Variants in RBFOX1 observed in about 807,000 individuals in gnomAD.
The protein encoded by RBFOX1 is RNA binding fox-1 homolog 1, also known as RNA binding protein fox-1 homolog 1.
In RBFOX1, 8 loss-of-function variants were observed where a neutral mutation model predicts 57.7. The observed-to-expected ratio is 0.14, with a 90% confidence interval of 0.08 to 0.25. RBFOX1 has a LOEUF of 0.25. Ranked by LOEUF, RBFOX1 falls within the 10% of genes least tolerant of loss-of-function variation. The probability of loss-of-function intolerance (pLI) is 1.00; values close to 1 mark genes in which losing one functional copy is unlikely to be tolerated. For missense variants in RBFOX1, 611 were observed against 548.5 expected (o/e 1.11, Z -1.14); for synonymous variants, 326 against 222.4 (o/e 1.47, Z -4.15).
intron 5 of RBFOX1, among the ~76,000 whole-genome samples, chr16:7,551,809 G>C (rs902055033): frequency 1.3e-5 from 2 of 152,150 alleles, no homozygotes; most frequent in Non-Finnish European, 2.9e-5. Flanking sequence ...CACAGACATT[G>C]GCGGTGTTTT....
At chr16:7,519,928 C>G (rs761523415) in intron 5 of RBFOX1, among the ~76,000 whole-genome samples, 1 of 152,122 alleles carries the variant, frequency 6.6e-6, no homozygotes, top group Admixed American at 6.5e-5. Flanking sequence ...CTCTGTTGCC[C>G]AGGCTGGAGT....
chr16:5,453,188 C>T (rs1266252149), intron 1 of RBFOX1, among the ~76,000 whole-genome samples: 1 of 152,162 alleles, frequency 6.6e-6, no homozygotes, highest in South Asian at 2.1e-4. Flanking sequence ...TGTGTCCCAG[C>T]ACTAGACTAA....
intron 2 of RBFOX1, among the ~76,000 whole-genome samples, chr16:6,616,150 C>G (rs1179801704): frequency 6.6e-6 from 1 of 152,112 alleles, no homozygotes; most frequent in Non-Finnish European, 1.5e-5. Context: ...TTTGCAGGAG[C>G]AAATTTTTCA....
chr16:7,499,634 G>A (rs938021807), intron 4 of RBFOX1, among the ~76,000 whole-genome samples: 2 of 152,060 alleles, frequency 1.3e-5, no homozygotes, highest in Non-Finnish European at 1.5e-5. Context: ...AAAATCAAAC[G>A]AGAAAAAACA....
chr16:6,721,422 G>A (rs2065972935), intron 3 of RBFOX1, among the ~76,000 whole-genome samples: 1 of 152,178 alleles, frequency 6.6e-6, no homozygotes, highest in Non-Finnish European at 1.5e-5. Flanking sequence ...CAGCCTGGGG[G>A]ACAGAGCGAG....
At chr16:7,215,662 CA>C (rs1242731418) in intron 4 of RBFOX1, among the ~76,000 whole-genome samples, 1 of 151,894 alleles carries the variant, frequency 6.6e-6, no homozygotes, top group Non-Finnish European at 1.5e-5. Context: ...TTTCTTCCCC[CA>C]GTTCCCCAAT....
At chr16:5,519,504 A>T (rs1238875856) in intron 2 of RBFOX1, among the ~76,000 whole-genome samples, 1 of 152,314 alleles carries the variant, frequency 6.6e-6, no homozygotes, top group East Asian at 1.9e-4. Context: ...TGGGAGGATC[A>T]CTTGAACCCA....
chr16:5,965,263 A>G (rs1375172254), intron 4 of RBFOX1, among the ~76,000 whole-genome samples: 1 of 152,208 alleles, frequency 6.6e-6, no homozygotes, highest in East Asian at 1.9e-4. Flanking sequence ...AATGTGGTGT[A>G]TACTTGAAAT....
At chr16:6,199,115 A>G (rs1042056904) in intron 1 of RBFOX1, among the ~76,000 whole-genome samples, 3 of 152,200 alleles carry the variant, frequency 2.0e-5, no homozygotes, top group Non-Finnish European at 4.4e-5. Context: ...TCTTATTGAA[A>G]AAAATATTTA....
chr16:6,152,086 G>A (rs936501187), intron 1 of RBFOX1, among the ~76,000 whole-genome samples: 4 of 152,100 alleles, frequency 2.6e-5, no homozygotes, highest in African/African-American at 9.7e-5. Flanking sequence ...TTGGCCAGGA[G>A]AAGAAAAACA....
intron 2 of RBFOX1, among the ~76,000 whole-genome samples, chr16:6,368,782 C>T (rs991426387): frequency 2.0e-5 from 3 of 152,132 alleles, no homozygotes. Context: ...AGAGCCCATG[C>T]CCTCTGTTTC....
In RBFOX1 at chr16:7,095,254, A is replaced by C. The variant is rs895864491; in HGVS notation, c.27+43156A>C. Among the ~76,000 whole-genome samples the C allele has an allele frequency of 2.6e-5, 4 of 152,134 alleles. No homozygotes were observed. The South Asian group carries it at 6.2e-4, about 24-fold the overall frequency. On this transcript the variant is annotated intron_variant, in intron 4 of 15. Transcript: ENST00000550418. ...CAGGTTCAAACGATTCTCCTGCCTC[A>C]GCCTACCCAAGTAGCTGAGATTACA...
intron 2 of RBFOX1, among the ~76,000 whole-genome samples, chr16:6,394,508 T>C (rs2092738194): frequency 2.5e-5 from 1 of 40,594 alleles, no homozygotes; most frequent in Non-Finnish European, 5.6e-5. Context: ...GGAAAATTGC[T>C]TTTTTTTTGT....
rs546474534 is a variant in RBFOX1 at position 6,245,692 on chromosome 16, C to G, written c.-126-71303C>G. 4.6e-4 allele frequency among the ~76,000 whole-genome samples: 70 copies of G among 152,260 alleles called. No homozygotes were observed. In the South Asian group the frequency reaches 0.014, roughly 31 times the overall value. On this transcript the variant is annotated intron_variant, in intron 1 of 15. Transcript: ENST00000550418. ...AACAACTCTTAGTGGTGTTAGAATT[C>G]TTTCTTCATGAAGCAGGGCACAAAA...
At chr16:6,487,942 TC>T (rs2095542930) in intron 2 of RBFOX1, among the ~76,000 whole-genome samples, 1 of 151,918 alleles carries the variant, frequency 6.6e-6, no homozygotes, top group South Asian at 2.1e-4. Flanking sequence ...TTTGGTTTGT[TC>T]GTTAAGTTTT....
intron 3 of RBFOX1, among the ~76,000 whole-genome samples, chr16:5,655,568 A>G (rs374015256): frequency 6.6e-6 from 1 of 152,154 alleles, no homozygotes; most frequent in Admixed American, 6.5e-5. Flanking sequence ...TTCTGCTACA[A>G]CTGCAAAGGG....
At chr16:5,952,527 T>C (rs1031406731) in intron 4 of RBFOX1, among the ~76,000 whole-genome samples, 13 of 152,310 alleles carry the variant, frequency 8.5e-5, no homozygotes, top group African/African-American at 2.6e-4. Context: ...CCTCAGGTGA[T>C]CTGCCCACCT....
chr16:6,590,951 C>T (rs1175640991), intron 2 of RBFOX1, among the ~76,000 whole-genome samples: 1 of 152,144 alleles, frequency 6.6e-6, no homozygotes, highest in Non-Finnish European at 1.5e-5. Context: ...TTTGGAGTCA[C>T]ACTGCGAGAG....
At chr16:7,148,427 C>G in intron 4 of RBFOX1, among the ~76,000 whole-genome samples, 1 of 152,158 alleles carries the variant, frequency 6.6e-6, no homozygotes, top group African/African-American at 2.4e-5. Flanking sequence ...ATCTTAAGTT[C>G]CTTCTCTATG....
Sources: allele counts gnomAD v4.1 joint callset (sites outside exome capture counted in the v4.1 genomes callset), GRCh38; gene constraint gnomAD v4.1.1; transcripts MANE v1.5; gene names NCBI Gene and HGNC (gene_info 2026-07-23, HGNC 2026-07-21).